CLSTN2: variants seen among roughly 807,000 people sequenced by gnomAD.
CLSTN2 encodes calsyntenin 2, also known as calsyntenin-2.
A neutral mutation model predicts 101.2 loss-of-function variants in CLSTN2; 48 were observed. The observed-to-expected ratio is 0.47, with a 90% CI of 0.38 to 0.60. CLSTN2 has a LOEUF of 0.60. Ranked by LOEUF, CLSTN2 falls within the 20% of genes least tolerant of loss-of-function variation. The pLI is 0.00. For synonymous variants in CLSTN2, 481 were observed against 463.6 expected (o/e 1.04, Z -0.48); for missense variants, 1,160 against 1,238.2 (o/e 0.94, Z 0.95).
In CLSTN2 at chr3:140,248,378, C is replaced by T. The variant is rs898180124; in HGVS notation, c.232+72305C>T. 8.5e-5 allele frequency among the ~76,000 whole-genome samples: 13 copies of T among 152,294 alleles called. No homozygotes were observed. The East Asian group carries it at 2.3e-3, about 27-fold the overall frequency. On this transcript the variant is annotated intron_variant, in intron 2 of 16. Coordinates refer to ENST00000458420, the MANE Select transcript of CLSTN2 (RefSeq NM_022131.3). ...TGGGTCTGCAGAGAGGCAGCAGCTT[C>T]AAGTCCAAAGGAGAAAGTGGCAGCA...
intron 1 of CLSTN2, among the ~76,000 whole-genome samples, chr3:140,140,371 G>A (rs531320792): frequency 2.6e-5 from 4 of 152,196 alleles, no homozygotes; most frequent in Non-Finnish European, 5.9e-5. Flanking sequence ...CATGGTGGAA[G>A]GCAAAGGAAG....
intron 1 of CLSTN2, among the ~76,000 whole-genome samples, chr3:140,127,128 A>G (rs77004142): frequency 0.018 from 2,702 of 152,040 alleles, 82 homozygotes; most frequent in African/African-American, 0.062. Context: ...GGAGAAATGG[A>G]TGATTTTAGG....
At chr3:140,488,753 G>A (rs573435290) in intron 8 of CLSTN2, among the ~76,000 whole-genome samples, 1 of 135,382 alleles carries the variant, frequency 7.4e-6, no homozygotes. Flanking sequence ...CTGACAAACA[G>A]AAAATCACAT....
At chr3:140,560,769 C>T (rs896114918) in intron 12 of CLSTN2, among the ~76,000 whole-genome samples, 6 of 151,980 alleles carry the variant, frequency 3.9e-5, no homozygotes, top group Non-Finnish European at 7.4e-5. Context: ...TCAGCCACAG[C>T]GGGAGGTAGG....
At chr3:140,449,380 G>A (rs570777891) in intron 6 of CLSTN2, 4 of 152,332 alleles carry the variant, frequency 2.6e-5, no homozygotes, top group Admixed American at 2.6e-4. Context: ...GTCAAGCAGT[G>A]CAGGCTTTAT....
At chr3:140,505,129 G>C (rs1306734390) in intron 8 of CLSTN2, among the ~76,000 whole-genome samples, 3 of 151,476 alleles carry the variant, frequency 2.0e-5, no homozygotes, top group African/African-American at 4.9e-5. Flanking sequence ...GCCTTCTCTC[G>C]AGGTCCCTGT....
chr3:140,384,715 G>A (rs1009402981), intron 2 of CLSTN2, among the ~76,000 whole-genome samples: 3 of 152,202 alleles, frequency 2.0e-5, no homozygotes, highest in Non-Finnish European at 4.4e-5. Flanking sequence ...AGAATTGACA[G>A]AACAGTAAAA....
At chr3:140,507,699 A>T (rs182162536) in intron 8 of CLSTN2, 80 of 152,200 alleles carry the variant, frequency 5.3e-4, no homozygotes, top group African/African-American at 1.8e-3. Context: ...ACCTCTACTC[A>T]TAGGATGTCT....
chr3:140,378,867 A>G (rs943902222), intron 2 of CLSTN2, among the ~76,000 whole-genome samples: 35 of 152,240 alleles, frequency 2.3e-4, no homozygotes, highest in African/African-American at 8.0e-4. Context: ...GTGAAACACC[A>G]CATCTAGTGC....
At position 140,576,412 on chromosome 3, in the gene CLSTN2, A is replaced by G. The variant is rs1417768518; in HGVS notation, c.*10159A>G. 6.6e-6 allele frequency: 1 copy of G among 152,222 alleles called. No individual in the cohort carries two copies. The highest frequency in any genetic ancestry group is 2.4e-5 in the African/African-American group (1 of 41,452). The allele number at this position is 152,222 out of a possible 1,614,324, so 9.4% of individuals were successfully genotyped here. A position where few individuals can be genotyped will look rare whatever the true frequency, so the allele number is the denominator to read the frequency against. On this transcript the variant is annotated 3_prime_UTR_variant, in exon 17 of 17. Transcript: ENST00000458420. ...TAATGCTATTGAATTTTTCACCTCC[A>G]GGCATGATTTTGTAACCAATGTAAA...
intron 9 of CLSTN2, among the ~76,000 whole-genome samples, chr3:140,534,746 A>T (rs560910916): frequency 7.2e-5 from 11 of 152,310 alleles, no homozygotes; most frequent in Non-Finnish European, 5.9e-5. Context: ...AGAAGGCCAC[A>T]TCTAACTACA....
chr3:140,260,033 G>A (rs1447820091), intron 2 of CLSTN2, among the ~76,000 whole-genome samples: 5 of 151,690 alleles, frequency 3.3e-5, no homozygotes, highest in African/African-American at 9.7e-5. Context: ...CACTACCTGG[G>A]TGATGAAATC....
chr3:140,490,836 A>G (rs1934341038), intron 8 of CLSTN2, among the ~76,000 whole-genome samples: 1 of 152,264 alleles, frequency 6.6e-6, no homozygotes, highest in African/African-American at 2.4e-5. Context: ...ACCTGCCCAC[A>G]TGTAGCCAGG....
At chr3:140,307,120 T>C (rs2087121580) in intron 2 of CLSTN2, among the ~76,000 whole-genome samples, 1 of 152,132 alleles carries the variant, frequency 6.6e-6, no homozygotes, top group African/African-American at 2.4e-5. Context: ...CTGCCATCCA[T>C]GTAAGATATG....
intron 2 of CLSTN2, among the ~76,000 whole-genome samples, chr3:140,367,279 C>T (rs893503851): frequency 2.6e-5 from 4 of 151,906 alleles, no homozygotes; most frequent in Admixed American, 6.6e-5. Flanking sequence ...CTTTTGGAGG[C>T]CGAGGTGGGC....
intron 2 of CLSTN2, among the ~76,000 whole-genome samples, chr3:140,308,239 A>C (rs937511955): frequency 2.6e-5 from 4 of 152,242 alleles, no homozygotes; most frequent in African/African-American, 9.6e-5. Flanking sequence ...GAAAGAGTAC[A>C]GGCTTCAGGG....
chr3:140,086,602 C>T (rs578055773), intron 1 of CLSTN2, among the ~76,000 whole-genome samples: 3 of 152,252 alleles, frequency 2.0e-5, no homozygotes, highest in Admixed American at 1.3e-4. Flanking sequence ...TAAAGTTCAC[C>T]TGGTTTATTT....
intron 1 of CLSTN2, among the ~76,000 whole-genome samples, chr3:140,095,201 G>A (rs1385044196): frequency 3.3e-5 from 5 of 152,210 alleles, no homozygotes; most frequent in Admixed American, 3.3e-4. Context: ...CTGGGGGCTA[G>A]GAGCGTTAAT....
At chr3:140,354,446 G>T (rs547719864) in intron 2 of CLSTN2, among the ~76,000 whole-genome samples, 1 of 152,188 alleles carries the variant, frequency 6.6e-6, no homozygotes, top group African/African-American at 2.4e-5. Context: ...TGACAACCAC[G>T]TATGCTTTAT....
Sources: gnomAD v4.1 joint callset for allele counts (sites outside exome capture counted in the v4.1 genomes callset) on GRCh38, gnomAD v4.1.1 for gene constraint, MANE v1.5 for transcripts, NCBI Gene and HGNC (gene_info 2026-07-23, HGNC 2026-07-21) for gene names.